Variants in GRM7 observed in about 807,000 individuals in gnomAD.
GRM7 encodes metabotropic glutamate receptor 7.
Under a neutral mutation model 84.5 loss-of-function variants are expected in GRM7, and 35 were observed. The observed-to-expected ratio is 0.41, with a 90% CI of 0.32 to 0.55. The LOEUF (loss-of-function observed/expected upper bound fraction) is 0.55. Ranked by LOEUF, GRM7 falls within the 20% of genes least tolerant of loss-of-function variation. The pLI, the probability that GRM7 is intolerant of heterozygous loss-of-function variation, is 0.19. For synonymous variants in GRM7, 487 were observed against 455.1 expected (o/e 1.07, Z -0.89); for missense variants, 1,003 against 1,194.6 (o/e 0.84, Z 2.36).
At chr3:7,698,450 T>A (rs923385882) in intron 9 of GRM7, among the ~76,000 whole-genome samples, 2 of 152,238 alleles carry the variant, frequency 1.3e-5, no homozygotes, top group African/African-American at 4.8e-5. Context: ...ACAGATATTT[T>A]AAATAATTTT....
At chr3:7,263,405 A>G (rs1278827519) in intron 2 of GRM7, among the ~76,000 whole-genome samples, 1 of 152,228 alleles carries the variant, frequency 6.6e-6, no homozygotes, top group African/African-American at 2.4e-5. Flanking sequence ...TTGTTCACAC[A>G]TGCCAGCAGC....
intron 7 of GRM7, among the ~76,000 whole-genome samples, chr3:7,483,456 A>G (rs1157643291): frequency 1.3e-5 from 2 of 152,182 alleles, no homozygotes; most frequent in African/African-American, 4.8e-5. Context: ...GAGGCCTGGC[A>G]TGTCCTAGGG....
intron 7 of GRM7, among the ~76,000 whole-genome samples, chr3:7,484,912 C>G (rs1251237306): frequency 6.6e-6 from 1 of 152,156 alleles, no homozygotes; most frequent in African/African-American, 2.4e-5. Flanking sequence ...TGGTGTCTGT[C>G]TTTGGTGCTT....
chr3:7,092,173 T>A (rs889274107), intron 1 of GRM7, among the ~76,000 whole-genome samples: 2 of 152,144 alleles, frequency 1.3e-5, no homozygotes, highest in Non-Finnish European at 2.9e-5. Flanking sequence ...TTTTAAAGTT[T>A]CTTTTAATCC....
At chr3:7,451,195 T>A (rs1328817867) in intron 5 of GRM7, among the ~76,000 whole-genome samples, 1 of 152,236 alleles carries the variant, frequency 6.6e-6, no homozygotes, top group Non-Finnish European at 1.5e-5. Flanking sequence ...ACTGGTGTCG[T>A]GTACTTAATG....
At chr3:7,463,863 C>G (rs1041589468) in intron 7 of GRM7, among the ~76,000 whole-genome samples, 2 of 152,092 alleles carry the variant, frequency 1.3e-5, no homozygotes, top group African/African-American at 2.4e-5. Context: ...TTAAAAGCCA[C>G]TAAGAAGTAC....
intron 1 of GRM7, among the ~76,000 whole-genome samples, chr3:7,023,805 G>A (rs928692225): frequency 7.9e-5 from 12 of 151,814 alleles, no homozygotes; most frequent in Non-Finnish European, 1.8e-4. Flanking sequence ...CACATTCACA[G>A]GTCTAACTTA....
chr3:7,552,111 T>G (rs1693506517), intron 7 of GRM7, among the ~76,000 whole-genome samples: 1 of 152,148 alleles, frequency 6.6e-6, no homozygotes, highest in African/African-American at 2.4e-5. Flanking sequence ...CTTGAAACCT[T>G]TTGCCAAAAT....
chr3:7,517,399 GTAT>G (rs1313397744), intron 7 of GRM7, among the ~76,000 whole-genome samples: 48 of 151,704 alleles, frequency 3.2e-4, no homozygotes, highest in Non-Finnish European at 1.8e-4. Flanking sequence ...AGTATTATTA[GTAT>G]TATTATTTGA....
chr3:7,050,149 A>T (rs1390774237), intron 1 of GRM7, among the ~76,000 whole-genome samples: 1 of 151,950 alleles, frequency 6.6e-6, no homozygotes, highest in Non-Finnish European at 1.5e-5. Context: ...ATATGTACAA[A>T]TTACAAATTT....
intron 4 of GRM7, among the ~76,000 whole-genome samples, chr3:7,338,883 TA>T (rs1701527831): frequency 6.6e-6 from 1 of 151,860 alleles, no homozygotes; most frequent in Non-Finnish European, 1.5e-5. Flanking sequence ...TTTTATCATG[TA>T]AATTCTGGGC....
At chr3:7,691,066 C>G (rs1482101798) in intron 9 of GRM7, 1 of 439,764 alleles carries the variant, frequency 2.3e-6, no homozygotes, top group Non-Finnish European at 4.5e-6. Context: ...TACAGTGGAA[C>G]TTGGATTACA....
intron 2 of GRM7, among the ~76,000 whole-genome samples, chr3:7,250,300 A>G (rs1212143456): frequency 1.3e-5 from 2 of 152,136 alleles, no homozygotes; most frequent in Non-Finnish European, 2.9e-5. Flanking sequence ...CATTATTGGG[A>G]GCCAGAGGTT....
intron 7 of GRM7, among the ~76,000 whole-genome samples, chr3:7,468,172 G>A (rs530253046): frequency 2.0e-5 from 3 of 152,118 alleles, no homozygotes; most frequent in Admixed American, 1.3e-4. Flanking sequence ...AATTTACAAT[G>A]TATTACATGA....
chr3:7,384,519 A>G (rs1034239383), intron 4 of GRM7, among the ~76,000 whole-genome samples: 2 of 152,244 alleles, frequency 1.3e-5, no homozygotes, highest in African/African-American at 4.8e-5. Context: ...GTAAAAATAA[A>G]TAGGTGAAAT....
chr3:7,406,796 A>G (rs1288781295), intron 4 of GRM7, among the ~76,000 whole-genome samples: 1 of 152,194 alleles, frequency 6.6e-6, no homozygotes, highest in African/African-American at 2.4e-5. Flanking sequence ...TCCTTTTTCC[A>G]TTAGGATAAA....
intron 7 of GRM7, among the ~76,000 whole-genome samples, chr3:7,525,157 C>T (rs1700744541): frequency 2.0e-5 from 3 of 151,422 alleles, no homozygotes; most frequent in Admixed American, 2.0e-4. Flanking sequence ...GGAGATATAC[C>T]TAATGCTAAA....
chr3:7,337,049 A>G (rs528977334), intron 4 of GRM7, among the ~76,000 whole-genome samples: 3 of 152,112 alleles, frequency 2.0e-5, no homozygotes, highest in Non-Finnish European at 2.9e-5. Flanking sequence ...AAACAATAGC[A>G]TGATACTGGT....
intron 7 of GRM7, among the ~76,000 whole-genome samples, chr3:7,496,633 A>C (rs1297088740): frequency 1.3e-5 from 2 of 152,140 alleles, no homozygotes; most frequent in African/African-American, 4.8e-5. Flanking sequence ...GTAGATTAAC[A>C]TGGAGTGTCA....
Sources: allele counts gnomAD v4.1 joint callset (sites outside exome capture counted in the v4.1 genomes callset), GRCh38; gene constraint gnomAD v4.1.1; transcripts MANE v1.5; gene names NCBI Gene and HGNC (gene_info 2026-07-23, HGNC 2026-07-21).